LY6G6F: variants seen among roughly 807,000 people sequenced by gnomAD.
LY6G6F encodes lymphocyte antigen 6 family member G6F, also known as lymphocyte antigen 6 complex locus protein G6f.
A neutral mutation model predicts 33.0 loss-of-function variants in LY6G6F; 26 were observed. That is an observed-to-expected ratio of 0.79 (90% CI 0.58 to 1.09). The LOEUF is 1.09. Ranked by LOEUF, LY6G6F falls within the 50% of genes least tolerant of loss-of-function variation. The probability of loss-of-function intolerance (pLI) is 0.00; values close to 1 mark genes in which losing one functional copy is unlikely to be tolerated. For synonymous variants in LY6G6F, 132 were observed against 148.1 expected (o/e 0.89, Z 0.79); for missense variants, 317 against 372.0 (o/e 0.85, Z 1.22).
In LY6G6F at chr6:31,710,475, G is replaced by A; in HGVS notation, c.869+57G>A. On this transcript the variant is annotated intron_variant, in intron 5 of 5. Transcript: ENST00000375832. The surrounding 1 kb of genome is among the most constrained non-coding windows in gnomAD (Gnocchi z 4.7). ...TCCTGGAGGGGACTGGGGATGGAGA[G>A]GAAACACGGGTTGGGTTGGGGATGG... 4.3e-6 allele frequency: 7 copies of A among 1,613,776 alleles called. No individual in the cohort carries two copies. Among genetic ancestry groups the A allele is most frequent in the Non-Finnish European group, 5.9e-6 (7 of 1,179,676 alleles).
At position 31,707,059 on chromosome 6, in the gene LY6G6F, A is replaced by G. The variant is rs1259973552; in HGVS notation, c.52+101A>G. The G allele has an allele frequency of 1.1e-5, 15 of 1,331,586 alleles. No homozygotes were observed. Among genetic ancestry groups the G allele is most frequent in the Non-Finnish European group, 1.4e-5 (13 of 927,556 alleles). 82.5% of individuals were successfully genotyped at this position (1,331,586 alleles called of 1,614,324 possible). ...CCTGGCGAAGGCATCTGACTCAAGA[A>G]GATAGAATTACCCCAACCAACCTCC... is the stretch of plus-strand genomic sequence containing the variant. On this transcript the variant is annotated intron_variant, in intron 1 of 5. Coordinates refer to ENST00000375832, the MANE Select transcript of LY6G6F (RefSeq NM_001003693.3). The surrounding 1 kb of genome is among the most constrained non-coding windows in gnomAD (Gnocchi z 4.1).
rs201894491 is a variant in LY6G6F, at chr6:31,710,106, A to G, written c.727A>G (p.Met243Val). 5.3e-5 allele frequency: 86 copies of G among 1,612,860 alleles called. No homozygotes were observed. The highest frequency in any genetic ancestry group is 6.9e-5 in the Non-Finnish European group (82 of 1,180,006). The change falls in exon 4 of 6, where the codon ATG becomes GTG. Residue 243 changes from methionine (M) to valine (V), a missense_variant. Coordinates refer to ENST00000375832, the MANE Select transcript of LY6G6F (RefSeq NM_001003693.3). The surrounding 1 kb of genome is among the most constrained non-coding windows in gnomAD (Gnocchi z 4.7). ...TTGGATTCTGATGCTGCTGCTCACA[A>G]TGGGCCAGGGAGTTGTCATCCTGGC... ...MPWILMLLLT[M>V]GQGVVILALS...
chr6:31,710,666 C>T lies in LY6G6F; in HGVS notation c.*75C>T. On this transcript the variant is annotated 3_prime_UTR_variant, in exon 6 of 6. Coordinates refer to ENST00000375832, the MANE Select transcript of LY6G6F (RefSeq NM_001003693.3). This position sits in a 1 kb window ranked among gnomAD's most constrained non-coding sequence, Gnocchi z 4.7. ...TGGCACCTGGAAGATTCCTCGACAA[C>T]CTTAGCAAGGGGGGCGGGACTGAGA... 3 of 1,591,218 alleles carry T rather than the reference C, an allele frequency of 1.9e-6. No individual in the cohort carries two copies. Among genetic ancestry groups the T allele is most frequent in the Non-Finnish European group, 2.6e-6 (3 of 1,159,742 alleles).
chr6:31,710,279 A>G lies in LY6G6F; in HGVS notation c.803-73A>G, dbSNP rs1429627255. On this transcript the variant is annotated intron_variant, in intron 4 of 5. Coordinates refer to ENST00000375832, the MANE Select transcript of LY6G6F (RefSeq NM_001003693.3). This position sits in a 1 kb window ranked among gnomAD's most constrained non-coding sequence, Gnocchi z 4.7. The stretch of plus-strand genomic sequence containing the variant: ...CTCTGTACCCCACCTCCTCTAGGGG[A>G]GGGGGCGAGGAACACGGCTCTAAGT... 5 of 1,612,596 alleles carry G rather than the reference A, an allele frequency of 3.1e-6. No individual in the cohort carries two copies. Among genetic ancestry groups the G allele is most frequent in the Admixed American group, 1.7e-5 (1 of 59,988 alleles).
chr6:31,707,708 C>A lies in LY6G6F; in HGVS notation c.303C>A (p.Ala101=). 6.2e-7 allele frequency: 1 copy of A among 1,614,132 alleles called. No individual in the cohort carries two copies. Among genetic ancestry groups the A allele is most frequent in the East Asian group, 2.2e-5 (1 of 44,888 alleles). ...TGGAGGGATCCAAAGAGGAAGATGCCGGGCGGTACTGGTGCGCTGTGCTAG... is the reference window on the plus strand; with the variant it reads ...TGGAGGGATCCAAAGAGGAAGATGCAGGGCGGTACTGGTGCGCTGTGCTAG... ...LWLEGSKEED[A]GRYWCAVLGQ... is the part of the protein sequence containing the mutation. The change falls in exon 2 of 6, where the codon GCC becomes GCA. Residue 101 remains alanine, a synonymous_variant. Coordinates refer to ENST00000375832, the MANE Select transcript of LY6G6F (RefSeq NM_001003693.3). The surrounding 1 kb of genome is among the most constrained non-coding windows in gnomAD (Gnocchi z 4.1).
chr6:31,710,265 A>G lies in LY6G6F; in HGVS notation c.802+84A>G, dbSNP rs1346378482. The stretch of plus-strand genomic sequence containing the variant: ...GGCTCACACCCCGCCTCTGTACCCC[A>G]CCTCCTCTAGGGGAGGGGGCGAGGA... On this transcript the variant is annotated intron_variant, in intron 4 of 5. Transcript: ENST00000375832. The surrounding 1 kb of genome is among the most constrained non-coding windows in gnomAD (Gnocchi z 4.7). 6.2e-6 allele frequency: 10 copies of G among 1,611,984 alleles called. No homozygotes were observed. Among genetic ancestry groups the G allele is most frequent in the Non-Finnish European group, 7.6e-6 (9 of 1,179,482 alleles).
Position 31,707,073 on chromosome 6 carries a change from C to A in LY6G6F, c.52+115C>A. The A allele has an allele frequency of 8.9e-7, 1 of 1,126,190 alleles. No homozygotes were observed. The highest frequency in any genetic ancestry group is 1.3e-6 in the Non-Finnish European group (1 of 748,986). The allele number at this position is 1,126,190 out of a possible 1,614,324, so 69.8% of individuals were successfully genotyped here. A position where few individuals can be genotyped will look rare whatever the true frequency, so the allele number is the denominator to read the frequency against. ...CTGACTCAAGAAGATAGAATTACCC[C>A]AACCAACCTCCTCCTGCCTCTGACA... On this transcript the variant is annotated intron_variant, in intron 1 of 5. Transcript: ENST00000375832. This position sits in a 1 kb window ranked among gnomAD's most constrained non-coding sequence, Gnocchi z 4.1.
intron 3 of LY6G6F, 58 bp from the exon 4 acceptor site, chr6:31,709,968 C>G: frequency 6.5e-7 from 1 of 1,539,866 alleles, no homozygotes; most frequent in Non-Finnish European, 8.8e-7. Context: ...CTTTGGGGCA[C>G]AGGGACAGGG....
Position 31,707,983 on chromosome 6 carries a change from C to G in LY6G6F, c.495C>G (p.Pro165=), listed in dbSNP as rs146478129. ...DSVTWQEGKG[P]VRGRVQSFWG... ...TGACCTGGCAGGAAGGGAAGGGTCC[C>G]GTGAGGGGCCGTGTTCAGTCCTTCT... The change falls in exon 3 of 6, where the codon CCC becomes CCG. Residue 165 remains proline (P), a synonymous_variant. Coordinates refer to ENST00000375832, the MANE Select transcript of LY6G6F (RefSeq NM_001003693.3). This position sits in a 1 kb window ranked among gnomAD's most constrained non-coding sequence, Gnocchi z 4.1. 4.6e-4 allele frequency: 738 copies of G among 1,613,084 alleles called. 2 individuals carry two copies. In the African/African-American group the frequency reaches 5.3e-3, roughly 12 times the overall value.
Position 31,708,089 on chromosome 6 carries a change from C to G in LY6G6F, c.601C>G (p.Arg201Gly), listed in dbSNP as rs765148790. The G allele has an allele frequency of 6.2e-7, 1 of 1,601,726 alleles. No individual in the cohort carries two copies. The highest frequency in any genetic ancestry group is 8.5e-7 in the Non-Finnish European group (1 of 1,174,076). Reference protein sequence around the residue: ...EPRSRRPRIIRCLMTHNKGVS... With the variant: ...EPRSRRPRIIGCLMTHNKGVS... ...CAGGAGCCGAAGACCAAGAATCATC[C>G]GCTGCCTCATGACTCACAACAAAGG... The change falls in exon 3 of 6, where the codon CGC becomes GGC. Residue 201 changes from arginine (R) to glycine (G), a missense_variant. Arg to Gly is a moderately radical substitution (Grantham distance 125). Coordinates refer to ENST00000375832, the MANE Select transcript of LY6G6F (RefSeq NM_001003693.3).
At chr6:31,708,697 C>T (rs1805798498) in intron 3 of LY6G6F, among the ~76,000 whole-genome samples, 1 of 152,084 alleles carries the variant, frequency 6.6e-6, no homozygotes, top group South Asian at 2.1e-4. Flanking sequence ...GAGGCCGAAG[C>T]AGGCGGATCA....
Position 31,708,010 on chromosome 6 carries a change from G to A in LY6G6F, c.522G>A (p.Trp174Ter). 6.2e-7 allele frequency: 1 copy of A among 1,613,066 alleles called. No individual in the cohort carries two copies. Among genetic ancestry groups the A allele is most frequent in the Non-Finnish European group, 8.5e-7 (1 of 1,180,030 alleles). Residue 174 changes from tryptophan (W) to a stop codon, truncating the protein, a stop_gained, in exon 3 of 6, where the codon TGG (tryptophan) becomes TGA (stop). Transcript: ENST00000375832. LOFTEE classifies it high-confidence loss of function. ...GPVRGRVQSF[W>*]GSEAALLLVC... ...TGAGGGGCCGTGTTCAGTCCTTCTGGGGCAGTGAGGCTGCCCTGCTCTTGG... is the reference window on the plus strand; with the variant it reads ...TGAGGGGCCGTGTTCAGTCCTTCTGAGGCAGTGAGGCTGCCCTGCTCTTGG...
In LY6G6F at chr6:31,707,928, C is replaced by G; in HGVS notation, c.440C>G (p.Ser147Cys). 1 of 1,613,368 alleles carries G rather than the reference C, an allele frequency of 6.2e-7. No individual in the cohort carries two copies. Among genetic ancestry groups the G allele is most frequent in the Non-Finnish European group, 8.5e-7 (1 of 1,180,036 alleles). ...DGSPCNVLLC[S>C]VVPSRRMDSV... ...TCCCCCTGCAATGTCCTCCTGTGCT[C>G]TGTGGTCCCCAGCAGACGCATGGAC... Residue 147 changes from serine to cysteine, a missense_variant, in exon 3 of 6, where the codon TCT becomes TGT. By Grantham distance (112) the Ser-to-Cys change is moderately radical. Coordinates refer to ENST00000375832, the MANE Select transcript of LY6G6F (RefSeq NM_001003693.3). This position sits in a 1 kb window ranked among gnomAD's most constrained non-coding sequence, Gnocchi z 4.1.
Position 31,710,180 on chromosome 6 carries a change from A to G in LY6G6F, c.801A>G (p.Arg267=). 6.2e-7 allele frequency: 1 copy of G among 1,610,696 alleles called. No individual in the cohort carries two copies. The highest frequency in any genetic ancestry group is 8.5e-7 in the Non-Finnish European group (1 of 1,178,322). The change falls in exon 4 of 6, where the codon AGA becomes AGG. Residue 267 remains arginine, a splice_region_variant and synonymous_variant. Transcript: ENST00000375832. This position sits in a 1 kb window ranked among gnomAD's most constrained non-coding sequence, Gnocchi z 4.7. The part of the protein sequence containing the change: ...WRQRVRGAPG[R]DASIPQFKPE... ...AGAGGGTCCGTGGGGCTCCAGGCAG[A>G]GGTGAGTCCCTCCCTCCCCGGGGAA...
chr6:31,707,521 C>T lies in LY6G6F; in HGVS notation c.116C>T (p.Pro39Leu), dbSNP rs45479596. 1 of 1,614,190 alleles carries T rather than the reference C, an allele frequency of 6.2e-7. No homozygotes were observed. Among genetic ancestry groups the T allele is most frequent in the Non-Finnish European group, 8.5e-7 (1 of 1,180,014 alleles). The change falls in exon 2 of 6, where the codon CCT becomes CTT. Residue 39 changes from proline (P) to leucine (L), a missense_variant. Physicochemically the swap from Pro to Leu is moderately conservative, Grantham distance 98 (BLOSUM62 -3). Transcript: ENST00000375832. The surrounding 1 kb of genome is among the most constrained non-coding windows in gnomAD (Gnocchi z 4.1). ...GTAGAGCTGCCATGTCCCTCACCAC[C>T]TACTCTACATGGGGACGAACACCTG... ...EAVELPCPSP[P>L]TLHGDEHLSW...
At position 31,709,299 on chromosome 6, in the gene LY6G6F, C is replaced by T. The variant is rs574305268; in HGVS notation, c.647-727C>T. 4.6e-3 allele frequency among the ~76,000 whole-genome samples: 687 copies of T among 148,352 alleles called. 3 individuals are homozygous for T. Among genetic ancestry groups the T allele is most frequent in the African/African-American group, 0.016 (636 of 40,262 alleles). ...TTTTTGAGACAGAGTCTCTCTCTGT[C>T]GCCAGGCTGGAGTGCAGTGGCGCAA... On this transcript the variant is annotated intron_variant, in intron 3 of 5. Coordinates refer to ENST00000375832, the MANE Select transcript of LY6G6F (RefSeq NM_001003693.3).
rs769866899 is a variant in LY6G6F at position 31,707,951 on chromosome 6, G to A, written c.463G>A (p.Asp155Asn). 5 of 1,613,060 alleles carry A rather than the reference G, an allele frequency of 3.1e-6. No individual in the cohort carries two copies. In the African/African-American group the frequency reaches 6.7e-5, roughly 22 times the overall value. The change falls in exon 3 of 6, where the codon GAC becomes AAC. Residue 155 changes from aspartate (D) to asparagine (N), a missense_variant. Coordinates refer to ENST00000375832, the MANE Select transcript of LY6G6F (RefSeq NM_001003693.3). This position sits in a 1 kb window ranked among gnomAD's most constrained non-coding sequence, Gnocchi z 4.1. Reference protein sequence around the residue: ...LCSVVPSRRMDSVTWQEGKGP... With the variant: ...LCSVVPSRRMNSVTWQEGKGP... ...CTCTGTGGTCCCCAGCAGACGCATG[G>A]ACTCTGTGACCTGGCAGGAAGGGAA...
chr6:31,706,964 G>T lies in LY6G6F; in HGVS notation c.52+6G>T. The stretch of plus-strand genomic sequence containing the variant: ...TGGAACTCCCCAGGCTGCAGGTAAG[G>T]GGCAAGAGGTACGGGATTCCTTAGC... On this transcript the variant is annotated splice_donor_region_variant and intron_variant, in intron 1 of 5. Coordinates refer to ENST00000375832, the MANE Select transcript of LY6G6F (RefSeq NM_001003693.3). The T allele has an allele frequency of 1.2e-6, 2 of 1,613,954 alleles. No homozygotes were observed. Among genetic ancestry groups the T allele is most frequent in the East Asian group, 2.2e-5 (1 of 44,868 alleles).
chr6:31,708,207 C>CACCGAGATCTACA, intron 3 of LY6G6F, 73 bp downstream of exon 3: 3 of 1,486,938 alleles, frequency 2.0e-6, no homozygotes, highest in South Asian at 1.4e-5. Flanking sequence ...TTACAGGCGC[C>CACCGAGATCTACA]CGCCACCATG....
Sources: gnomAD v4.1 joint callset for allele counts (sites outside exome capture counted in the v4.1 genomes callset) on GRCh38, gnomAD v4.1.1 for gene constraint, Gnocchi (gnomAD v3.1) non-coding constraint, MANE v1.5 for transcripts, NCBI Gene and HGNC (gene_info 2026-07-23, HGNC 2026-07-21) for gene names.